The following TOM1 variants were observed in gnomAD, a reference collection of about 807,000 sequenced individuals.
TOM1 encodes the protein target of myb1 membrane trafficking protein.
In TOM1, 38 loss-of-function variants were observed where a neutral mutation model predicts 61.3. That is an observed-to-expected ratio of 0.62 (90% CI 0.48 to 0.81). TOM1 has a LOEUF of 0.81. Ranked by LOEUF, TOM1 falls within the 40% of genes least tolerant of loss-of-function variation. The pLI is 0.00. For synonymous variants in TOM1, 270 were observed against 268.8 expected (o/e 1.00, Z -0.04); for missense variants, 591 against 659.6 (o/e 0.90, Z 1.14).
chr22:35,306,254 G>A (rs9622172), intron 1 of TOM1, among the ~76,000 whole-genome samples: 3 of 152,146 alleles, frequency 2.0e-5, no homozygotes, highest in East Asian at 3.9e-4. Context: ...CTTCTGAATC[G>A]GAGCAGCTGG....
At chr22:35,301,974 G>A (rs1330047275) in intron 1 of TOM1, among the ~76,000 whole-genome samples, 5 of 152,210 alleles carry the variant, frequency 3.3e-5, no homozygotes, top group Non-Finnish European at 7.3e-5. Context: ...AAAAGACCTG[G>A]CTTCAAAGTC....
At chr22:35,345,526 G>A in intron 12 of TOM1, 199 bp from the exon 13 acceptor site, 1 of 610,272 alleles carries the variant, frequency 1.6e-6, no homozygotes, top group Non-Finnish European at 3.0e-6. Flanking sequence ...TGGGAGCCTG[G>A]TCCCCTGCTT....
intron 1 of TOM1, among the ~76,000 whole-genome samples, chr22:35,316,557 A>G (rs951560059): frequency 7.2e-5 from 11 of 152,184 alleles, no homozygotes; most frequent in Non-Finnish European, 1.0e-4. Flanking sequence ...GGTGCTTGCT[A>G]CCATGCAGAC....
intron 12 of TOM1, among the ~76,000 whole-genome samples, chr22:35,339,546 A>G (rs1404545946): frequency 6.6e-6 from 1 of 152,178 alleles, no homozygotes; most frequent in Admixed American, 6.5e-5. Flanking sequence ...AGCCCGTTCA[A>G]TAGTATTCCT....
rs987911005 is a variant in TOM1, at chr22:35,300,096, G to T, written c.52+116G>T. 4.3e-6 allele frequency: 5 copies of T among 1,161,030 alleles called. No homozygotes were observed. The African/African-American group carries it at 7.7e-5, about 18-fold the overall frequency. The allele number at this position is 1,161,030 out of a possible 1,614,324, so 71.9% of individuals were successfully genotyped here. The stretch of plus-strand genomic sequence containing the variant: ...GCAGGGAGGGCAAGGAGGCTGGCGT[G>T]TAGCTCTCCGACCTGGCTCCGCCCA... On this transcript the variant is annotated intron_variant, in intron 1 of 14. Transcript: ENST00000449058.
rs187523436 is a variant in TOM1 at position 35,302,880 on chromosome 22, C to T, written c.52+2900C>T. Among the ~76,000 whole-genome samples the T allele has an allele frequency of 3.9e-5, 6 of 152,166 alleles. No homozygotes were observed. The East Asian group carries it at 7.7e-4, about 20-fold the overall frequency. On this transcript the variant is annotated intron_variant, in intron 1 of 14. Transcript: ENST00000449058. ...TTCCATATTCTTTTAGATAAAGAGG[C>T]GGAGGAAGTACTGCTCCCTGGCTGT...
At chr22:35,306,986 C>T (rs1284749422) in intron 1 of TOM1, among the ~76,000 whole-genome samples, 1 of 151,476 alleles carries the variant, frequency 6.6e-6, no homozygotes, top group Non-Finnish European at 1.5e-5. Flanking sequence ...TTAGTGAGCT[C>T]AAAGAAATAA....
chr22:35,335,267 C>G (rs1031076552), intron 11 of TOM1, among the ~76,000 whole-genome samples: 1 of 152,216 alleles, frequency 6.6e-6, no homozygotes, highest in Non-Finnish European at 1.5e-5. Flanking sequence ...ACTGACCCCA[C>G]TCAGCTCCTT....
In TOM1 at chr22:35,323,630, G is replaced by A. The variant is rs764386798; in HGVS notation, c.501G>A (p.Arg167=). ...DMLSPIHTPQ[R]TVFNSETQSG... ...TGTCACCCATCCACACACCCCAGAG[G>A]GTGAGAGAACTGCCGTACCGGGAAC... Residue 167 remains arginine (R), a splice_region_variant and synonymous_variant, in exon 5 of 15, where the codon AGG becomes AGA. Coordinates refer to ENST00000449058, the MANE Select transcript of TOM1 (RefSeq NM_005488.3). The surrounding 1 kb of genome is among the most constrained non-coding windows in gnomAD (Gnocchi z 4.2). 1.2e-6 allele frequency: 2 copies of A among 1,614,152 alleles called. No individual in the cohort carries two copies. The highest frequency in any genetic ancestry group is 3.3e-5 in the Admixed American group (2 of 60,028).
At position 35,323,834 on chromosome 22, in the gene TOM1, G is replaced by A. The variant is rs1033751224; in HGVS notation, c.568G>A (p.Asp190Asn). 1.1e-5 allele frequency: 18 copies of A among 1,613,116 alleles called. No homozygotes were observed. Among genetic ancestry groups the A allele is most frequent in the Non-Finnish European group, 1.3e-5 (15 of 1,179,492 alleles). ...GGGCACTGACTCCAGCCAGCAAGAG[G>A]ACTCTGGCCAGCATGCTGCCCCTCT... ...SVGTDSSQQE[D>N]SGQHAAPLPA... Residue 190 changes from aspartate to asparagine, a missense_variant, in exon 6 of 15, where the codon GAC becomes AAC. Transcript: ENST00000449058. This position sits in a 1 kb window ranked among gnomAD's most constrained non-coding sequence, Gnocchi z 4.2.
intron 12 of TOM1, among the ~76,000 whole-genome samples, chr22:35,339,056 C>T (rs1009437114): frequency 2.0e-5 from 3 of 152,138 alleles, no homozygotes; most frequent in Non-Finnish European, 4.4e-5. Context: ...CCAGGCCGGG[C>T]GTGGTGGCTC....
intron 11 of TOM1, among the ~76,000 whole-genome samples, chr22:35,337,579 A>G (rs1378212422): frequency 1.3e-5 from 2 of 152,190 alleles, no homozygotes; most frequent in Non-Finnish European, 2.9e-5. Context: ...CTTCAAAATG[A>G]CTGCGTGGGA....
At chr22:35,315,780 C>G (rs558082408) in intron 1 of TOM1, among the ~76,000 whole-genome samples, 128 of 152,342 alleles carry the variant, frequency 8.4e-4, no homozygotes, top group Non-Finnish European at 1.5e-3. Flanking sequence ...TAGAAGAGGG[C>G]CCTGTCCAGT....
Position 35,347,334 on chromosome 22 carries a change from T to C in TOM1, c.*125T>C, listed in dbSNP as rs1930597209. ...GGCTTGTTACCCCCTTTTCCTCCTC[T>C]TTGAAGACGGAGCTGCCCCAGCTGT... On this transcript the variant is annotated 3_prime_UTR_variant, in exon 15 of 15. Coordinates refer to ENST00000449058, the MANE Select transcript of TOM1 (RefSeq NM_005488.3). 5.8e-6 allele frequency: 6 copies of C among 1,035,468 alleles called. No homozygotes were observed. The East Asian group carries it at 1.6e-4, about 28-fold the overall frequency. 64.1% of individuals were successfully genotyped at this position (1,035,468 alleles called of 1,614,324 possible).
Position 35,312,815 on chromosome 22 carries a change from A to G in TOM1, c.53-5062A>G, listed in dbSNP as rs113746839. ...GGTACAGCTGACTGTGGCTGACGCC[A>G]GCCCCTGGAGAGTTCAGGCTTTTGA... On this transcript the variant is annotated intron_variant, in intron 1 of 14. Transcript: ENST00000449058. 4.0e-3 allele frequency among the ~76,000 whole-genome samples: 611 copies of G among 152,332 alleles called. 2 individuals are homozygous for G. The highest frequency in any genetic ancestry group is 0.014 in the African/African-American group (587 of 41,580).
chr22:35,326,529 G>T (rs1477554187), intron 6 of TOM1, among the ~76,000 whole-genome samples: 1 of 152,208 alleles, frequency 6.6e-6, no homozygotes, highest in African/African-American at 2.4e-5. Flanking sequence ...TATTCAAGGT[G>T]GGGTACAGGG....
In TOM1 at chr22:35,346,941, G is replaced by A. The variant is rs763328166; in HGVS notation, c.1296G>A (p.Ala432=). 115 of 1,612,490 alleles carry A rather than the reference G, an allele frequency of 7.1e-5. 1 individual carries two copies. The Middle Eastern group carries it at 8.2e-4, about 12-fold the overall frequency. The change falls in exon 14 of 15, where the codon GCG becomes GCA. Residue 432 remains alanine (A), a synonymous_variant. Coordinates refer to ENST00000449058, the MANE Select transcript of TOM1 (RefSeq NM_005488.3). ...QWLSTDVGND[A]EEPKGVTSEE... ...TTCTACCTTCCCAGGGTAATGATGC[G>A]GAAGAGCCTAAGGGGGTCACCAGCG...
chr22:35,299,736 A>C, upstream of TOM1: 1 of 630,244 alleles, frequency 1.6e-6, no homozygotes, highest in Non-Finnish European at 2.7e-6. Flanking sequence ...AGCAAGCCGC[A>C]GTGAGGTCAT....
At chr22:35,322,184 C>G (rs565064824) in intron 3 of TOM1, 147 bp downstream of exon 3, 3 of 668,462 alleles carry the variant, frequency 4.5e-6, no homozygotes, top group Non-Finnish European at 7.7e-6. Flanking sequence ...CCTGTCTACA[C>G]TGCAGGCGGA....
Sources: gnomAD v4.1 joint callset for allele counts (sites outside exome capture counted in the v4.1 genomes callset) on GRCh38, gnomAD v4.1.1 for gene constraint, Gnocchi (gnomAD v3.1) non-coding constraint, MANE v1.5 for transcripts, NCBI Gene and HGNC (gene_info 2026-07-23, HGNC 2026-07-21) for gene names.